Variants in CRACD observed in about 807,000 individuals in gnomAD.
CRACD encodes the protein capping protein inhibiting regulator of actin dynamics, also known as capping protein-inhibiting regulator of actin dynamics.
Under a neutral mutation model 106.8 loss-of-function variants are expected in CRACD, and 56 were observed. The ratio of observed to expected loss-of-function variants is 0.52; its 90% CI spans 0.42 to 0.66. CRACD has a LOEUF of 0.66. CRACD is among the 30% of genes least tolerant of loss of function. The pLI, the probability that CRACD is intolerant of heterozygous loss-of-function variation, is 0.00. For synonymous variants in CRACD, 754 were observed against 670.8 expected (o/e 1.12, Z -1.92); for missense variants, 1,730 against 1,623.2 (o/e 1.07, Z -1.13).
intron 1 of CRACD, among the ~76,000 whole-genome samples, chr4:56,159,494 A>C (rs13114407): frequency 0.41 from 62,658 of 151,808 alleles, 13,564 homozygotes; most frequent in African/African-American, 0.54. Context: ...CTAAAAATAC[A>C]AAACAAAATT....
chr4:56,312,029 A>G (rs1435980487), intron 6 of CRACD, among the ~76,000 whole-genome samples: 1 of 151,698 alleles, frequency 6.6e-6, no homozygotes, highest in Non-Finnish European at 1.5e-5. Flanking sequence ...AGGCCATTCC[A>G]CAATTCATCC....
chr4:56,067,645 G>A (rs920432480), intron 1 of CRACD, among the ~76,000 whole-genome samples: 4 of 151,828 alleles, frequency 2.6e-5, no homozygotes, highest in Non-Finnish European at 4.4e-5. Flanking sequence ...GCATGGTCTC[G>A]GCTCACTGCA....
At chr4:56,310,514 A>G in intron 5 of CRACD, 152 bp from the exon 6 acceptor site, 1 of 610,716 alleles carries the variant, frequency 1.6e-6, no homozygotes, top group Non-Finnish European at 2.9e-6. Context: ...ATATTAGCAT[A>G]GTCTCCACTG....
At chr4:56,268,131 C>T (rs138064255) in intron 2 of CRACD, among the ~76,000 whole-genome samples, 31 of 152,296 alleles carry the variant, frequency 2.0e-4, no homozygotes, top group East Asian at 9.6e-4. Flanking sequence ...TCTTAGCTGA[C>T]GTGCAGAGAT....
chr4:56,061,695 A>G (rs1732284653), intron 1 of CRACD, among the ~76,000 whole-genome samples: 2 of 152,182 alleles, frequency 1.3e-5, no homozygotes, highest in South Asian at 4.1e-4. Context: ...ATACCATCAG[A>G]TTGTGATGAG....
intron 3 of CRACD, among the ~76,000 whole-genome samples, chr4:56,276,236 C>T (rs768546079): frequency 3.4e-4 from 51 of 152,234 alleles, no homozygotes; most frequent in Non-Finnish European, 1.8e-4. Context: ...TTCCCAAAGG[C>T]GTGTTAAAAC....
chr4:56,254,082 GT>G (rs149741309), intron 2 of CRACD, among the ~76,000 whole-genome samples: 4,643 of 152,268 alleles, frequency 0.03, 107 homozygotes, highest in South Asian at 0.097. Flanking sequence ...TGTAGCAATT[GT>G]TATCTCTTTT....
chr4:56,188,684 TCTCACACA>T (rs1319285707), intron 2 of CRACD, among the ~76,000 whole-genome samples: 5 of 99,810 alleles, frequency 5.0e-5, no homozygotes, highest in African/African-American at 1.0e-4. Flanking sequence ...TCTCTCTCTC[TCTCACACA>T]CACACACACA....
chr4:56,284,881 G>A (rs1394796843), intron 3 of CRACD, among the ~76,000 whole-genome samples: 1 of 152,172 alleles, frequency 6.6e-6, no homozygotes. Flanking sequence ...ACAAAAGGGA[G>A]CAAGAAAAGG....
chr4:56,280,118 G>A (rs1322795294), intron 3 of CRACD, among the ~76,000 whole-genome samples: 1 of 126,174 alleles, frequency 7.9e-6, no homozygotes, highest in Non-Finnish European at 1.6e-5. Flanking sequence ...ACAGGAAGGG[G>A]AACATCACAC....
intron 2 of CRACD, among the ~76,000 whole-genome samples, chr4:56,245,308 G>A (rs1232239483): frequency 6.6e-6 from 1 of 152,126 alleles, no homozygotes; most frequent in Non-Finnish European, 1.5e-5. Flanking sequence ...GTTACCATTG[G>A]TCTGTGGTTG....
rs1156594778 is a variant in CRACD, at chr4:56,313,358, G to A, written c.516G>A (p.Lys172=). 3.1e-6 allele frequency: 5 copies of A among 1,613,984 alleles called. No individual in the cohort carries two copies. Among genetic ancestry groups the A allele is most frequent in the Non-Finnish European group, 4.2e-6 (5 of 1,180,022 alleles). Residue 172 remains lysine (K), a synonymous_variant, in exon 7 of 11, where the codon AAG becomes AAA. Transcript: ENST00000682029. ...AVKPKKQRVS[K]KHRRLAQDPQ... ...AGCCAAAAAAACAGAGGGTGTCAAA[G>A]AAGCACAGGCGCCTTGCCCAGGTGT...
At chr4:56,089,057 T>C (rs1733330917) in intron 1 of CRACD, among the ~76,000 whole-genome samples, 1 of 152,222 alleles carries the variant, frequency 6.6e-6, no homozygotes, top group Admixed American at 6.5e-5. Context: ...CTCAACTTTT[T>C]CACTAACGAG....
intron 1 of CRACD, among the ~76,000 whole-genome samples, chr4:56,049,589 C>T (rs867690681): frequency 1.3e-5 from 2 of 152,144 alleles, no homozygotes; most frequent in African/African-American, 4.8e-5. Context: ...GAATATGGGA[C>T]CTCGCCTGCC....
chr4:56,303,760 G>A (rs150771729), intron 4 of CRACD, among the ~76,000 whole-genome samples: 229 of 152,318 alleles, frequency 1.5e-3, no homozygotes, highest in East Asian at 0.014. Context: ...AGCACCATGC[G>A]TCGGACCCTG....
rs1244939487 is a variant in CRACD, at chr4:56,316,055, GA to G, written c.2554del (p.Thr852ProfsTer129). 1 of 1,614,168 alleles carries G rather than the reference GA, an allele frequency of 6.2e-7. No individual in the cohort carries two copies. The highest frequency in any genetic ancestry group is 8.5e-7 in the Non-Finnish European group (1 of 1,180,030). ...CACCGTTTGGAATAAAATTGAGAAG[GA>G]CCAACTATTCCTTGCGCTTCAACTG... ...ASPFGIKLRR[T>X]NYSLRFNCDQ... On this transcript the variant is annotated frameshift_variant, in exon 8 of 11. Coordinates refer to ENST00000682029, the MANE Select transcript of CRACD (RefSeq NM_001393381.1). LOFTEE classifies it high-confidence loss of function.
At chr4:56,265,838 C>T (rs1168803506) in intron 2 of CRACD, among the ~76,000 whole-genome samples, 4 of 152,052 alleles carry the variant, frequency 2.6e-5, no homozygotes, top group African/African-American at 9.7e-5. Flanking sequence ...GGAAGCATAT[C>T]CTAGAAATCC....
intron 5 of CRACD, 102 bp downstream of exon 5, chr4:56,307,801 G>C: frequency 8.3e-7 from 1 of 1,208,616 alleles, no homozygotes; most frequent in Non-Finnish European, 1.2e-6. Context: ...AGAGGGAGGA[G>C]CTTTTCTCAT....
At chr4:56,290,330 A>G (rs1743635323) in intron 3 of CRACD, among the ~76,000 whole-genome samples, 1 of 152,232 alleles carries the variant, frequency 6.6e-6, no homozygotes, top group Non-Finnish European at 1.5e-5. Context: ...ACAAAATAAT[A>G]TAGCACAGAG....
Sources: gnomAD v4.1 joint callset for allele counts (sites outside exome capture counted in the v4.1 genomes callset) on GRCh38, gnomAD v4.1.1 for gene constraint, MANE v1.5 for transcripts, NCBI Gene and HGNC (gene_info 2026-07-23, HGNC 2026-07-21) for gene names.